The following RBFOX1 variants were observed in gnomAD, a reference collection of about 807,000 sequenced individuals.
RBFOX1 encodes RNA binding protein fox-1 homolog 1.
In RBFOX1, 8 loss-of-function variants were observed where a neutral mutation model predicts 57.7. The ratio of observed to expected loss-of-function variants is 0.14; its 90% CI spans 0.08 to 0.25. The LOEUF is 0.25. Among genes scored for constraint, RBFOX1 ranks in the 10% least tolerant of loss-of-function variants. The probability of loss-of-function intolerance (pLI) is 1.00; values close to 1 mark genes in which losing one functional copy is unlikely to be tolerated. For synonymous variants in RBFOX1, 326 were observed against 222.4 expected (o/e 1.47, Z -4.15); for missense variants, 611 against 548.5 (o/e 1.11, Z -1.14).
rs901727272 is a variant in RBFOX1 at position 7,589,237 on chromosome 16, T to A, written c.468+1937T>A. On this transcript the variant is annotated intron_variant, in intron 7 of 15. Coordinates refer to ENST00000550418, the MANE Select transcript of RBFOX1 (RefSeq NM_018723.4). ...AGCAGCACTGCCTTCAAAGATGTGT[T>A]GTTGTTGTTGTTTTTTAATATGTTT... is the stretch of plus-strand genomic sequence containing the variant. 6.6e-5 allele frequency among the ~76,000 whole-genome samples: 10 copies of A among 152,268 alleles called. No individual in the cohort carries two copies. In the South Asian group the frequency reaches 1.2e-3, roughly 19 times the overall value.
chr16:5,916,729 C>T (rs138744341), intron 4 of RBFOX1, among the ~76,000 whole-genome samples: 9 of 152,116 alleles, frequency 5.9e-5, no homozygotes, highest in African/African-American at 9.7e-5. Context: ...CACCACCCCC[C>T]ACACTAAGCT....
intron 3 of RBFOX1, among the ~76,000 whole-genome samples, chr16:7,026,692 G>A (rs1317829256): frequency 6.6e-6 from 1 of 152,110 alleles, no homozygotes; most frequent in Non-Finnish European, 1.5e-5. Flanking sequence ...TCTCAGGTCG[G>A]GTGACTTACT....
At chr16:7,499,402 G>C (rs944878704) in intron 4 of RBFOX1, among the ~76,000 whole-genome samples, 1 of 152,128 alleles carries the variant, frequency 6.6e-6, no homozygotes, top group Non-Finnish European at 1.5e-5. Context: ...AATTACATCT[G>C]CAGTGACCCC....
intron 3 of RBFOX1, among the ~76,000 whole-genome samples, chr16:6,830,219 A>G (rs887461193): frequency 6.6e-6 from 1 of 152,194 alleles, no homozygotes; most frequent in South Asian, 2.1e-4. Flanking sequence ...GCCTGGCTGA[A>G]TGTATTTTCT....
intron 3 of RBFOX1, among the ~76,000 whole-genome samples, chr16:5,766,206 G>A (rs1170972924): frequency 6.6e-6 from 1 of 152,134 alleles, no homozygotes; most frequent in Non-Finnish European, 1.5e-5. Flanking sequence ...CCATGATGTG[G>A]GGTCCAATCA....
chr16:5,546,925 A>G (rs563708788), intron 2 of RBFOX1, among the ~76,000 whole-genome samples: 6 of 152,336 alleles, frequency 3.9e-5, no homozygotes, highest in South Asian at 2.1e-4. Context: ...ACAATACCCA[A>G]TAAAACAATG....
chr16:6,491,891 G>T (rs1388833813), intron 2 of RBFOX1, among the ~76,000 whole-genome samples: 1 of 152,154 alleles, frequency 6.6e-6, no homozygotes, highest in Non-Finnish European at 1.5e-5. Context: ...TAGATGAAGA[G>T]ATTTATGTAG....
rs1269409363 is a variant in RBFOX1 at position 5,947,269 on chromosome 16, A to G, written c.351+79934A>G. On this transcript the variant is annotated intron_variant, in intron 4 of 19. Coordinates refer to the RBFOX1 transcript ENST00000641259. The surrounding 1 kb of genome is among the most constrained non-coding windows in gnomAD (Gnocchi z 7.2). ...ACTAAGGCTGGAGAGCACAGTGGGT[A>G]AGGAGGAGGTGGCCAAGCTGAGGTC... Among the ~76,000 whole-genome samples, 1 of 152,120 alleles carries G rather than the reference A, an allele frequency of 6.6e-6. No homozygotes were observed. The highest frequency in any genetic ancestry group is 2.4e-5 in the African/African-American group (1 of 41,424).
At chr16:6,774,376 C>G (rs1427624602) in intron 3 of RBFOX1, among the ~76,000 whole-genome samples, 1 of 152,144 alleles carries the variant, frequency 6.6e-6, no homozygotes, top group Non-Finnish European at 1.5e-5. Context: ...ACAGGCATAA[C>G]AAATTGAGCA....
At chr16:6,665,979 G>C (rs1223248682) in intron 3 of RBFOX1, among the ~76,000 whole-genome samples, 1 of 152,096 alleles carries the variant, frequency 6.6e-6, no homozygotes, top group African/African-American at 2.4e-5. Context: ...TCATGGGTAT[G>C]GTTTCCCCCA....
intron 4 of RBFOX1, among the ~76,000 whole-genome samples, chr16:7,063,113 A>G (rs920734148): frequency 3.3e-5 from 5 of 151,868 alleles, no homozygotes; most frequent in African/African-American, 1.2e-4. Flanking sequence ...CGCTGACTTT[A>G]TGTATTGACA....
chr16:6,609,210 C>T (rs1313542322), intron 2 of RBFOX1, among the ~76,000 whole-genome samples: 2 of 152,206 alleles, frequency 1.3e-5, no homozygotes, highest in Non-Finnish European at 2.9e-5. Context: ...TTCTGCCTTC[C>T]ACAGCCACTT....
At chr16:7,653,523 A>C (rs995908699) in intron 11 of RBFOX1, among the ~76,000 whole-genome samples, 1 of 152,162 alleles carries the variant, frequency 6.6e-6, no homozygotes, top group Non-Finnish European at 1.5e-5. Context: ...CTCATTAATT[A>C]AATACTCATG....
intron 3 of RBFOX1, among the ~76,000 whole-genome samples, chr16:6,758,907 T>C (rs2076198810): frequency 6.6e-6 from 1 of 152,048 alleles, no homozygotes. Flanking sequence ...TGACATGTGT[T>C]CAGGGAGTCG....
chr16:6,669,540 G>A (rs940845122), intron 3 of RBFOX1, among the ~76,000 whole-genome samples: 2 of 152,096 alleles, frequency 1.3e-5, no homozygotes, highest in African/African-American at 2.4e-5. Flanking sequence ...AAGATATACA[G>A]CTTGACGTTT....
At chr16:6,560,772 C>G (rs2097169833) in intron 2 of RBFOX1, among the ~76,000 whole-genome samples, 1 of 152,200 alleles carries the variant, frequency 6.6e-6, no homozygotes. Context: ...ATGTCTGTCT[C>G]TCTCATAGAC....
At chr16:7,123,477 G>A (rs1028975546) in intron 4 of RBFOX1, among the ~76,000 whole-genome samples, 7 of 152,110 alleles carry the variant, frequency 4.6e-5, no homozygotes, top group Admixed American at 6.5e-5. Context: ...TGATCCTCCT[G>A]CCTTAGCTTC....
intron 3 of RBFOX1, among the ~76,000 whole-genome samples, chr16:6,893,123 C>T (rs893048938): frequency 1.3e-5 from 2 of 152,274 alleles, no homozygotes; most frequent in South Asian, 2.1e-4. Flanking sequence ...CAGGAGCTCA[C>T]TGTCTGCAGA....
At chr16:5,555,529 G>A (rs2045635761) in intron 2 of RBFOX1, among the ~76,000 whole-genome samples, 1 of 152,122 alleles carries the variant, frequency 6.6e-6, no homozygotes, top group East Asian at 2.0e-4. Flanking sequence ...GGGATTACAG[G>A]CATGAGCCAC....
Sources: gnomAD v4.1 joint callset for allele counts (sites outside exome capture counted in the v4.1 genomes callset) on GRCh38, gnomAD v4.1.1 for gene constraint, Gnocchi (gnomAD v3.1) non-coding constraint, MANE v1.5 for transcripts, NCBI Gene and HGNC (gene_info 2026-07-23, HGNC 2026-07-21) for gene names.